Variants in GNA13 observed in about 807,000 individuals in gnomAD.
GNA13 encodes guanine nucleotide-binding protein subunit alpha-13.
In GNA13, 4 loss-of-function variants were observed where a neutral mutation model predicts 33.5. That is an observed-to-expected ratio of 0.12 (90% confidence interval 0.06 to 0.27). The LOEUF is 0.27. GNA13 is among the 10% of genes least tolerant of loss of function. GNA13 has a pLI of 1.00. For synonymous variants in GNA13, 176 were observed against 183.8 expected, an observed-to-expected ratio of 0.96 and a Z score of 0.34; for missense variants, 319 against 487.2, an observed-to-expected ratio of 0.65 and a Z score of 3.25.
At chr17:65,028,373 C>T (rs1223171025) in intron 2 of GNA13, among the ~76,000 whole-genome samples, 2 of 145,140 alleles carry the variant, frequency 1.4e-5, no homozygotes, top group Admixed American at 7.0e-5. Flanking sequence ...CACGCCACTG[C>T]ACTCCAACCT....
chr17:65,014,292 G>A lies in GNA13; in HGVS notation c.1099C>T (p.Leu367=). The change falls in exon 4 of 4, where the codon CTG becomes TTG. Residue 367 remains leucine (L), a synonymous_variant. Transcript: ENST00000439174. This position sits in a 1 kb window ranked among gnomAD's most constrained non-coding sequence, Gnocchi z 5.3. ...ATAAGCTGCTTGAGGTTGTCATGCA[G>A]AATAGTATCCTTCACGTCACGGAAA... The part of the protein sequence containing the change: ...LVFRDVKDTI[L]HDNLKQLMLQ 6.2e-7 allele frequency: 1 copy of A among 1,612,020 alleles called. No homozygotes were observed. The highest frequency in any genetic ancestry group is 8.5e-7 in the Non-Finnish European group (1 of 1,178,050).
rs1395838205 is a variant in GNA13, at chr17:65,014,022, A to G, written c.*235T>C. The G allele has an allele frequency of 2.1e-6, 1 of 485,780 alleles. No individual in the cohort carries two copies. Among genetic ancestry groups the G allele is most frequent in the Non-Finnish European group, 3.7e-6 (1 of 272,914 alleles). The allele number at this position is 485,780 out of a possible 1,614,324, so 30.1% of individuals were successfully genotyped here. On this transcript the variant is annotated 3_prime_UTR_variant, in exon 4 of 4. Transcript: ENST00000439174. This position sits in a 1 kb window ranked among gnomAD's most constrained non-coding sequence, Gnocchi z 5.3. ...TGGGAGGTTTTAACTGGACTTGAAT[A>G]GAAGCCATGGTGAAACAGATCAAAG...
chr17:65,019,415 C>G (rs913909902), intron 2 of GNA13, among the ~76,000 whole-genome samples: 1 of 152,146 alleles, frequency 6.6e-6, no homozygotes, highest in Non-Finnish European at 1.5e-5. Context: ...TTGGAAGCAG[C>G]CTAAGTGTCC....
intron 2 of GNA13, among the ~76,000 whole-genome samples, chr17:65,043,251 T>C (rs1907527831): frequency 6.6e-6 from 1 of 151,822 alleles, no homozygotes; most frequent in Non-Finnish European, 1.5e-5. Flanking sequence ...TAAAAATGTT[T>C]TGCAATATAT....
intron 2 of GNA13, among the ~76,000 whole-genome samples, chr17:65,024,405 A>C (rs1296488764): frequency 6.6e-6 from 1 of 152,252 alleles, no homozygotes; most frequent in Non-Finnish European, 1.5e-5. Context: ...CCAATAAACA[A>C]AATGTTATTC....
chr17:65,046,129 C>T (rs889757848), intron 2 of GNA13, among the ~76,000 whole-genome samples: 9 of 152,068 alleles, frequency 5.9e-5, no homozygotes, highest in Non-Finnish European at 1.3e-4. Context: ...GGACCTGACA[C>T]TTCAGGATTC....
At position 65,012,566 on chromosome 17, in the gene GNA13, T is replaced by C. The variant is rs1466673167; in HGVS notation, c.*1691A>G. 3 of 222,310 alleles carry C rather than the reference T, an allele frequency of 1.3e-5. No homozygotes were observed. The highest frequency in any genetic ancestry group is 2.7e-5 in the Non-Finnish European group (3 of 111,278). 13.8% of individuals were successfully genotyped at this position (222,310 alleles called of 1,614,324 possible). A position where few individuals can be genotyped will look rare whatever the true frequency, so the allele number is the denominator to read the frequency against. ...TGGCATGAAAATGCTAGAAGTTATA[T>C]GGATACAATGATAGTGGAAGTTCAA... On this transcript the variant is annotated 3_prime_UTR_variant, in exon 4 of 4. Transcript: ENST00000439174.
chr17:65,044,117 C>A (rs151185538), intron 2 of GNA13, among the ~76,000 whole-genome samples: 278 of 152,202 alleles, frequency 1.8e-3, no homozygotes, highest in African/African-American at 6.3e-3. Flanking sequence ...CAGAGCAAGA[C>A]CCTGTCTCAA....
At chr17:65,043,890 G>A (rs1907553880) in intron 2 of GNA13, among the ~76,000 whole-genome samples, 1 of 152,182 alleles carries the variant, frequency 6.6e-6, no homozygotes, top group Admixed American at 6.5e-5. Flanking sequence ...AGGAGGCCAA[G>A]ATGGGAGAAT....
At chr17:65,025,269 T>C (rs2143785348) in intron 2 of GNA13, among the ~76,000 whole-genome samples, 1 of 152,330 alleles carries the variant, frequency 6.6e-6, no homozygotes, top group Non-Finnish European at 1.5e-5. Context: ...TATCAGGCCT[T>C]CTTTTGGGAT....
chr17:65,016,952 T>G (rs1906391586), intron 3 of GNA13, among the ~76,000 whole-genome samples: 1 of 152,198 alleles, frequency 6.6e-6, no homozygotes, highest in African/African-American at 2.4e-5. Context: ...ACATTAACAT[T>G]CCCCTACTAG....
intron 2 of GNA13, among the ~76,000 whole-genome samples, chr17:65,034,670 T>C (rs1045599324): frequency 1.4e-4 from 22 of 152,144 alleles, no homozygotes; most frequent in African/African-American, 5.3e-4. Context: ...TAACACAAAA[T>C]GTACAACGCA....
At chr17:65,031,896 A>AGAGAGAGAG (rs1907040820) in intron 2 of GNA13, among the ~76,000 whole-genome samples, 11 of 71,332 alleles carry the variant, frequency 1.5e-4, no homozygotes, top group Non-Finnish European at 2.7e-4. Flanking sequence ...GAGAGAGAGA[A>AGAGAGAGAG]AGAGAGAGAG....
intron 2 of GNA13, among the ~76,000 whole-genome samples, chr17:65,037,789 A>AAAAAAAAAAAAAAAAAT (rs1907307609): frequency 6.7e-6 from 1 of 149,488 alleles, no homozygotes; most frequent in Non-Finnish European, 1.5e-5. Context: ...AAAAAAAAAA[A>AAAAAAAAAAAAAAAAAT]AAAAAAAAAA....
In GNA13 at chr17:65,047,091, A is replaced by G. The variant is rs1472666046; in HGVS notation, c.510+6411T>C. Among the ~76,000 whole-genome samples the G allele has an allele frequency of 2.6e-5, 4 of 152,350 alleles. No homozygotes were observed. The East Asian group carries it at 7.7e-4, about 29-fold the overall frequency. On this transcript the variant is annotated intron_variant, in intron 2 of 3. Coordinates refer to ENST00000439174, the MANE Select transcript of GNA13 (RefSeq NM_006572.6). ...GAACTGACGGAAATTTTAAAAAAGA[A>G]ATTAATTAAAAAGAAAAAAACTTCA...
intron 1 of GNA13, 62 bp downstream of exon 1, chr17:65,056,249 G>GCCCCCCCCCC: frequency 2.6e-6 from 2 of 774,830 alleles, no homozygotes; most frequent in Non-Finnish European, 3.9e-6. Flanking sequence ...GCCCCGCCCC[G>GCCCCCCCCCC]CACCCGCCGC....
At chr17:65,044,360 A>AAC (rs761723793) in intron 2 of GNA13, among the ~76,000 whole-genome samples, 7 of 152,254 alleles carry the variant, frequency 4.6e-5, no homozygotes, top group Admixed American at 6.5e-5. Context: ...GCATCTTGTA[A>AAC]ACAAGATAGG....
chr17:65,031,841 G>A (rs1405362407), intron 2 of GNA13, among the ~76,000 whole-genome samples: 1 of 141,088 alleles, frequency 7.1e-6, no homozygotes, highest in Non-Finnish European at 1.5e-5. Flanking sequence ...TTGAGCCCAG[G>A]AGTTCTACAC....
Position 65,053,498 on chromosome 17 carries a change from T to C in GNA13, c.510+4A>G. Reference sequence around the variant, plus strand: ...CACACGTTTTAAAAGAGCAAATCTCTTACCAGTTGAAATTCTCGACGCCGG... The same window carrying C: ...CACACGTTTTAAAAGAGCAAATCTCCTACCAGTTGAAATTCTCGACGCCGG... On this transcript the variant is annotated splice_donor_region_variant and intron_variant, in intron 2 of 3. Coordinates refer to ENST00000439174, the MANE Select transcript of GNA13 (RefSeq NM_006572.6). 2 of 1,548,212 alleles carry C rather than the reference T, an allele frequency of 1.3e-6. No homozygotes were observed. The highest frequency in any genetic ancestry group is 1.8e-6 in the Non-Finnish European group (2 of 1,120,008).
Sources: allele counts gnomAD v4.1 joint callset (sites outside exome capture counted in the v4.1 genomes callset), GRCh38; gene constraint gnomAD v4.1.1; non-coding constraint Gnocchi (gnomAD v3.1); transcripts MANE v1.5; gene names NCBI Gene and HGNC (gene_info 2026-07-23, HGNC 2026-07-21).